The following NTRK2 variants were observed in gnomAD, a reference collection of about 807,000 sequenced individuals.
NTRK2 encodes the protein neurotrophic receptor tyrosine kinase 2.
In NTRK2, 13 loss-of-function variants were observed where a neutral mutation model predicts 94.5. The observed-to-expected ratio is 0.14, with a 90% CI of 0.09 to 0.22. The LOEUF (loss-of-function observed/expected upper bound fraction) is 0.22, where lower values mean the gene tolerates loss of function less well. Among genes scored for constraint, NTRK2 ranks in the 10% least tolerant of loss-of-function variants. The probability of loss-of-function intolerance (pLI) is 1.00; values close to 1 mark genes in which losing one functional copy is unlikely to be tolerated. For missense variants in NTRK2, 639 were observed against 1,071.2 expected, an observed-to-expected ratio of 0.60 and a Z score of 5.63; for synonymous variants, 372 against 407.4, an observed-to-expected ratio of 0.91 and a Z score of 1.05.
chr9:84,839,792 C>T (rs560786375), intron 12 of NTRK2, among the ~76,000 whole-genome samples: 4 of 152,192 alleles, frequency 2.6e-5, no homozygotes, highest in Non-Finnish European at 5.9e-5. Flanking sequence ...AAACAGGCAG[C>T]GTGTGAGGAG....
chr9:84,672,097 G>A (rs1053175281), intron 2 of NTRK2, among the ~76,000 whole-genome samples: 2 of 152,206 alleles, frequency 1.3e-5, no homozygotes, highest in South Asian at 2.1e-4. Flanking sequence ...GAGTGCGCAT[G>A]CATTTTTCCT....
intron 17 of NTRK2, among the ~76,000 whole-genome samples, chr9:84,971,743 C>A (rs1826209517): frequency 6.6e-6 from 1 of 152,144 alleles, no homozygotes; most frequent in African/African-American, 2.4e-5. Flanking sequence ...AGCAGATGGG[C>A]TGAGGGGCTC....
At position 84,958,933 on chromosome 9, in the gene NTRK2, A is replaced by C. The variant is rs1429005713; in HGVS notation, c.2172+3416A>C. 5.3e-5 allele frequency among the ~76,000 whole-genome samples: 8 copies of C among 152,066 alleles called. No individual in the cohort carries two copies. The East Asian group carries it at 1.6e-3, about 30-fold the overall frequency. On this transcript the variant is annotated intron_variant, in intron 17 of 18. Coordinates refer to ENST00000277120, the MANE Select transcript of NTRK2 (RefSeq NM_006180.6). Reference sequence around the variant, plus strand: ...AAGCTGTTGATCTGTTTTACAGGAGAACTCCAGTGCCTCCTGCGGTGGCTA... The same window carrying C: ...AAGCTGTTGATCTGTTTTACAGGAGCACTCCAGTGCCTCCTGCGGTGGCTA...
intron 14 of NTRK2, chr9:84,875,364 T>C: frequency 9.4e-7 from 1 of 1,061,028 alleles, no homozygotes. Flanking sequence ...ATGGTAAGTA[T>C]CACAGAGCAC....
rs199711199 is a variant in NTRK2 at position 85,021,730 on chromosome 9, G to T, written c.*293G>T. ...TTTTTTTTCGTCTTCCCTGCTTCACGATTCTTACCCTTTCTTTTGAATCAA... is the reference window on the plus strand; with the variant it reads ...TTTTTTTTCGTCTTCCCTGCTTCACTATTCTTACCCTTTCTTTTGAATCAA... On this transcript the variant is annotated 3_prime_UTR_variant, in exon 19 of 19. Transcript: ENST00000277120. 1.5e-5 allele frequency: 7 copies of T among 451,668 alleles called. No homozygotes were observed. Among genetic ancestry groups the T allele is most frequent in the African/African-American group, 1.4e-4 (7 of 49,656 alleles). 28.0% of individuals were successfully genotyped at this position (451,668 alleles called of 1,614,324 possible). A position where few individuals can be genotyped will look rare whatever the true frequency, so the allele number is the denominator to read the frequency against.
At position 84,918,704 on chromosome 9, in the gene NTRK2, G is replaced by A. The variant is rs941452804; in HGVS notation, c.1634-15458G>A. The stretch of plus-strand genomic sequence containing the variant: ...GATTGAGAAAGCTATTTATGTTCCT[G>A]AGAGTCATGTTGCGTATGGTAGCCG... On this transcript the variant is annotated intron_variant, in intron 14 of 18. Transcript: ENST00000277120. 2.7e-4 allele frequency among the ~76,000 whole-genome samples: 41 copies of A among 152,200 alleles called. 1 individual carries two copies. Among genetic ancestry groups the A allele is most frequent in the Non-Finnish European group, 1.0e-4 (7 of 68,040 alleles).
chr9:84,742,050 C>A (rs2132307947), intron 10 of NTRK2, 123 bp downstream of exon 10: 1 of 833,872 alleles, frequency 1.2e-6, no homozygotes, highest in Non-Finnish European at 1.9e-6. Context: ...TTACATAGGC[C>A]AAAATAGTAT....
intron 17 of NTRK2, among the ~76,000 whole-genome samples, chr9:85,010,553 T>G (rs1831452166): frequency 6.6e-6 from 1 of 152,202 alleles, no homozygotes; most frequent in Admixed American, 6.5e-5. Context: ...CACAATAACC[T>G]CACACCAGGC....
intron 12 of NTRK2, among the ~76,000 whole-genome samples, chr9:84,816,573 GT>G (rs2072418107): frequency 6.6e-6 from 1 of 151,928 alleles, no homozygotes; most frequent in Non-Finnish European, 1.5e-5. Flanking sequence ...GAGGTCGAGA[GT>G]TCAAGACCAG....
intron 14 of NTRK2, among the ~76,000 whole-genome samples, chr9:84,908,831 C>T (rs1564454804): frequency 6.6e-6 from 1 of 152,138 alleles, no homozygotes; most frequent in Non-Finnish European, 1.5e-5. Context: ...TACTCAATGG[C>T]ACAAGGCACA....
Position 85,023,747 on chromosome 9 carries a change from A to AGG in NTRK2, c.*2313_*2314dup. ...GTAGAACTCTGTGACGCAGTAAGGA[A>AGG]GGGGCAGATTTGTACAAAAACTTTT... is the stretch of plus-strand genomic sequence containing the variant. On this transcript the variant is annotated 3_prime_UTR_variant, in exon 19 of 19. Transcript: ENST00000277120. The AGG allele has an allele frequency of 4.3e-6, 1 of 231,306 alleles. No individual in the cohort carries two copies. Among genetic ancestry groups the AGG allele is most frequent in the Non-Finnish European group, 8.6e-6 (1 of 116,840 alleles). 14.3% of individuals were successfully genotyped at this position (231,306 alleles called of 1,614,324 possible).
intron 2 of NTRK2, among the ~76,000 whole-genome samples, chr9:84,684,995 T>C (rs2059620982): frequency 6.6e-6 from 1 of 152,108 alleles, no homozygotes. Flanking sequence ...TTATTTTTTT[T>C]TTCTATGTTG....
At chr9:84,799,065 C>A (rs1262298619) in intron 12 of NTRK2, among the ~76,000 whole-genome samples, 1 of 151,928 alleles carries the variant, frequency 6.6e-6, no homozygotes, top group Non-Finnish European at 1.5e-5. Context: ...CTTCAGGGCC[C>A]ATTCTTTCAA....
In NTRK2 at chr9:85,024,289, G is replaced by A; in HGVS notation, c.*2852G>A. ...CTTTCTCATGGTCTGATTTTTAGAA[G>A]AGTGGCATCCTCGTTCTAAAATGTA... On this transcript the variant is annotated 3_prime_UTR_variant, in exon 19 of 19. Coordinates refer to ENST00000277120, the MANE Select transcript of NTRK2 (RefSeq NM_006180.6). 1 of 232,932 alleles carries A rather than the reference G, an allele frequency of 4.3e-6. No homozygotes were observed. The highest frequency in any genetic ancestry group is 5.6e-5 in the Admixed American group (1 of 17,794). The allele number at this position is 232,932 out of a possible 1,614,324, so 14.4% of individuals were successfully genotyped here. A position where few individuals can be genotyped will look rare whatever the true frequency, so the allele number is the denominator to read the frequency against.
At chr9:84,803,153 G>A (rs1208748390) in intron 12 of NTRK2, among the ~76,000 whole-genome samples, 1 of 152,138 alleles carries the variant, frequency 6.6e-6, no homozygotes, top group African/African-American at 2.4e-5. Context: ...TGGAGGAGAG[G>A]CACATTTTAA....
intron 17 of NTRK2, among the ~76,000 whole-genome samples, chr9:84,989,719 G>A (rs1055820797): frequency 6.6e-6 from 1 of 152,172 alleles, no homozygotes; most frequent in African/African-American, 2.4e-5. Context: ...TAAGCCTTCC[G>A]ACTCCTTGTC....
rs7873079 is a variant in NTRK2, at chr9:85,022,736, G to A, written c.*1299G>A. ...TAAAAAGGTATGACTTATACAATTA[G>A]GGGAAGCTAATGGAGTTTATTAGCT... On this transcript the variant is annotated 3_prime_UTR_variant, in exon 19 of 19. Coordinates refer to ENST00000277120, the MANE Select transcript of NTRK2 (RefSeq NM_006180.6). 0.015 allele frequency: 3,605 copies of A among 233,208 alleles called. 105 individuals carry two copies. The highest frequency in any genetic ancestry group is 0.064 in the African/African-American group (2,895 of 45,420). 14.4% of individuals were successfully genotyped at this position (233,208 alleles called of 1,614,324 possible).
intron 11 of NTRK2, among the ~76,000 whole-genome samples, chr9:84,746,605 T>C (rs11140748): frequency 0.035 from 5,377 of 152,260 alleles, 128 homozygotes; most frequent in Middle Eastern, 0.068. Context: ...ACACTCTTCA[T>C]GGTGGCTTAT....
At chr9:84,692,749 G>T (rs555615222) in intron 2 of NTRK2, among the ~76,000 whole-genome samples, 2 of 152,092 alleles carry the variant, frequency 1.3e-5, no homozygotes, top group Non-Finnish European at 1.5e-5. Flanking sequence ...TTACAGGCAT[G>T]AGCCACCGCG....
Sources: gnomAD v4.1 joint callset for allele counts (sites outside exome capture counted in the v4.1 genomes callset) on GRCh38, gnomAD v4.1.1 for gene constraint, MANE v1.5 for transcripts, NCBI Gene and HGNC (gene_info 2026-07-23, HGNC 2026-07-21) for gene names.